The following MAGI1 variants were observed in gnomAD, a reference collection of about 807,000 sequenced individuals.
MAGI1 encodes membrane-associated guanylate kinase, WW and PDZ domain-containing protein 1.
In MAGI1, 58 loss-of-function variants were observed where a neutral mutation model predicts 139.9. The observed-to-expected ratio is 0.41, with a 90% confidence interval of 0.34 to 0.52. The LOEUF (loss-of-function observed/expected upper bound fraction) is 0.52. Ranked by LOEUF, MAGI1 falls within the 20% of genes least tolerant of loss-of-function variation. MAGI1 has a pLI of 0.12. For synonymous variants in MAGI1, 812 were observed against 737.9 expected, an observed-to-expected ratio of 1.10 and a Z score of -1.63; for missense variants, 1,874 against 1,901.6, an observed-to-expected ratio of 0.99 and a Z score of 0.27.
intron 1 of MAGI1, among the ~76,000 whole-genome samples, chr3:66,018,508 C>A (rs1207788560): frequency 6.6e-6 from 1 of 151,992 alleles, no homozygotes; most frequent in Non-Finnish European, 1.5e-5. Flanking sequence ...AGAGGTTAAG[C>A]AAGTGATCAA....
intron 1 of MAGI1, among the ~76,000 whole-genome samples, chr3:65,896,773 GAT>G (rs1168436431): frequency 6.6e-6 from 1 of 152,170 alleles, no homozygotes; most frequent in Non-Finnish European, 1.5e-5. Flanking sequence ...ACTTTAAAAT[GAT>G]AGTGTAAAAG....
chr3:65,415,827 CG>C (rs1946173448), intron 12 of MAGI1, among the ~76,000 whole-genome samples: 1 of 152,122 alleles, frequency 6.6e-6, no homozygotes, highest in South Asian at 2.1e-4. Flanking sequence ...ACTGGGGAGA[CG>C]GGGGTGCTAC....
At chr3:65,988,247 C>G (rs2065984037) in intron 1 of MAGI1, among the ~76,000 whole-genome samples, 1 of 134,402 alleles carries the variant, frequency 7.4e-6, no homozygotes, top group Non-Finnish European at 1.7e-5. Context: ...TTGGTGACAT[C>G]CTATTTTTTT....
At chr3:65,595,203 C>T (rs570595443) in intron 2 of MAGI1, among the ~76,000 whole-genome samples, 2 of 152,252 alleles carry the variant, frequency 1.3e-5, no homozygotes, top group African/African-American at 2.4e-5. Context: ...TCATCAGAAG[C>T]CTTTGCTAGA....
At chr3:65,621,352 A>C (rs1304273276) in intron 2 of MAGI1, among the ~76,000 whole-genome samples, 1 of 152,236 alleles carries the variant, frequency 6.6e-6, no homozygotes, top group East Asian at 1.9e-4. Context: ...TGCTTTCAGC[A>C]TTCCTATGTT....
intron 1 of MAGI1, among the ~76,000 whole-genome samples, chr3:65,827,399 CA>C (rs145490877): frequency 1.9e-4 from 28 of 150,662 alleles, no homozygotes; most frequent in South Asian, 6.3e-4. Flanking sequence ...AAGAATATTA[CA>C]AAAAAAAACA....
chr3:65,752,990 C>T (rs2036273546), intron 1 of MAGI1, among the ~76,000 whole-genome samples: 1 of 152,166 alleles, frequency 6.6e-6, no homozygotes, highest in Non-Finnish European at 1.5e-5. Flanking sequence ...CCCTCCTCTA[C>T]TGTAATACCC....
chr3:65,428,370 T>C (rs1006665961), intron 12 of MAGI1, among the ~76,000 whole-genome samples: 25 of 152,174 alleles, frequency 1.6e-4, no homozygotes, highest in African/African-American at 5.8e-4. Flanking sequence ...TTCAATATGG[T>C]GGAAAGTATT....
At chr3:65,491,043 T>G (rs1389103222) in intron 3 of MAGI1, among the ~76,000 whole-genome samples, 2 of 152,062 alleles carry the variant, frequency 1.3e-5, no homozygotes, top group Admixed American at 6.6e-5. Context: ...TACAAGACAA[T>G]CAGACATTTT....
At chr3:65,360,340 C>T (rs1224564932) in intron 22 of MAGI1, 1 of 975,892 alleles carries the variant, frequency 1.0e-6, no homozygotes, top group African/African-American at 1.8e-5. Context: ...ACATCTAGGG[C>T]ATAGCTTCTT....
rs978491426 is a variant in MAGI1, at chr3:65,383,605, T to A, written c.2435A>T (p.Gln812Leu). The change falls in exon 15 of 23, where the codon CAG (glutamine) becomes CTG (leucine). Residue 812 changes from glutamine to leucine, a missense_variant. Transcript: ENST00000402939. ...CTCTTTTCTCCAGAGGAAGATGTCCTGTTCCTGGTAATCTGGAACTGCAGA... is the reference window on the plus strand; with the variant it reads ...CTCTTTTCTCCAGAGGAAGATGTCCAGTTCCTGGTAATCTGGAACTGCAGA... The part of the protein sequence containing the change: ...YENRLPDYQE[Q>L]DIFLWRKETG... The A allele has an allele frequency of 1.1e-5, 17 of 1,612,872 alleles. No homozygotes were observed. In the African/African-American group the frequency reaches 2.0e-4, roughly 19 times the overall value.
chr3:65,565,961 AC>A (rs1286308559), intron 2 of MAGI1, among the ~76,000 whole-genome samples: 2 of 151,880 alleles, frequency 1.3e-5, no homozygotes, highest in African/African-American at 4.8e-5. Flanking sequence ...GCAGAGAAAA[AC>A]GTCATAATAT....
At chr3:65,483,785 G>A (rs1951445632) in intron 3 of MAGI1, among the ~76,000 whole-genome samples, 1 of 152,208 alleles carries the variant, frequency 6.6e-6, no homozygotes, top group South Asian at 2.1e-4. Flanking sequence ...GAGGACTTAA[G>A]AGGAAGCCAC....
intron 1 of MAGI1, among the ~76,000 whole-genome samples, chr3:65,656,038 C>T (rs2085857010): frequency 6.6e-6 from 1 of 152,110 alleles, no homozygotes; most frequent in African/African-American, 2.4e-5. Context: ...TCTATGTATG[C>T]ATGAAGGTGT....
chr3:65,432,151 TC>T (rs1446166887), intron 10 of MAGI1, among the ~76,000 whole-genome samples: 1 of 152,172 alleles, frequency 6.6e-6, no homozygotes, highest in African/African-American at 2.4e-5. Context: ...ACTAGGCACT[TC>T]TCTGTAATTG....
chr3:65,406,095 C>T (rs1945319061), intron 12 of MAGI1, among the ~76,000 whole-genome samples: 3 of 152,230 alleles, frequency 2.0e-5, no homozygotes, highest in Admixed American at 1.3e-4. Context: ...ATCCCTTGAG[C>T]ATCATTGATC....
At chr3:65,619,358 C>T (rs982248550) in intron 2 of MAGI1, among the ~76,000 whole-genome samples, 1 of 152,174 alleles carries the variant, frequency 6.6e-6, no homozygotes, top group African/African-American at 2.4e-5. Context: ...AGCTCCACTA[C>T]ATTATGGCAA....
At chr3:65,624,391 A>AT (rs1276413471) in intron 1 of MAGI1, among the ~76,000 whole-genome samples, 3 of 152,208 alleles carry the variant, frequency 2.0e-5, no homozygotes, top group African/African-American at 7.2e-5. Context: ...CGAAAGGTGA[A>AT]TGAATAAGCA....
At chr3:65,623,979 A>T (rs541177413) in intron 1 of MAGI1, among the ~76,000 whole-genome samples, 9 of 152,336 alleles carry the variant, frequency 5.9e-5, no homozygotes, top group African/African-American at 2.2e-4. Flanking sequence ...GTTTGAACAG[A>T]CAGTTCACAA....
Sources: allele counts gnomAD v4.1 joint callset (sites outside exome capture counted in the v4.1 genomes callset), GRCh38; gene constraint gnomAD v4.1.1; transcripts MANE v1.5; gene names NCBI Gene and HGNC (gene_info 2026-07-23, HGNC 2026-07-21).